Variants in PRTG observed in about 807,000 individuals in gnomAD.
The protein encoded by PRTG is immunoglobulin superfamily, DCC subclass, member 5.
A neutral mutation model predicts 122.5 loss-of-function variants in PRTG; 67 were observed. The observed-to-expected ratio is 0.55, with a 90% CI of 0.45 to 0.67. The LOEUF (loss-of-function observed/expected upper bound fraction) is 0.67, where lower values mean the gene tolerates loss of function less well. Among genes scored for constraint, PRTG ranks in the 30% least tolerant of loss-of-function variants. The pLI is 0.00. For missense variants in PRTG, 1,435 were observed against 1,415.4 expected (o/e 1.01, Z -0.22); for synonymous variants, 554 against 501.1 (o/e 1.11, Z -1.41).
At chr15:55,689,947 G>C (rs928501760) in intron 2 of PRTG, among the ~76,000 whole-genome samples, 2 of 151,362 alleles carry the variant, frequency 1.3e-5, no homozygotes, top group Non-Finnish European at 2.9e-5. Context: ...AAAAAGAGTA[G>C]TTAGGCATCA....
chr15:55,633,071 A>ATGAAAATTTT (rs1490292144), intron 15 of PRTG, among the ~76,000 whole-genome samples: 1 of 152,212 alleles, frequency 6.6e-6, no homozygotes, highest in Non-Finnish European at 1.5e-5. Flanking sequence ...TTTAACCATG[A>ATGAAAATTTT]TGAAAATTTT....
chr15:55,628,928 C>T lies in PRTG; in HGVS notation c.2700G>A (p.Glu900=), dbSNP rs749201909. 1.2e-6 allele frequency: 2 copies of T among 1,613,964 alleles called. No individual in the cohort carries two copies. Among genetic ancestry groups the T allele is most frequent in the East Asian group, 2.2e-5 (1 of 44,872 alleles). The change falls in exon 16 of 20, where the codon GAG becomes GAA. Residue 900 remains glutamate (E), a synonymous_variant. Coordinates refer to ENST00000389286, the MANE Select transcript of PRTG (RefSeq NM_173814.6). ...AATTTGAAAAGGGTCCTTCTCCCAC[C>T]TCATTGGATGCAGATATCTTGACAA... ...VYIVKISASN[E]VGEGPFSNSV... is the part of the protein sequence containing the mutation.
chr15:55,667,646 GT>G (rs2059446372), intron 11 of PRTG, among the ~76,000 whole-genome samples: 1 of 152,170 alleles, frequency 6.6e-6, no homozygotes, highest in Non-Finnish European at 1.5e-5. Flanking sequence ...AAATACGATA[GT>G]TTTTAAATAT....
chr15:55,710,844 A>G (rs560154350), intron 2 of PRTG, among the ~76,000 whole-genome samples: 1 of 152,230 alleles, frequency 6.6e-6, no homozygotes, highest in African/African-American at 2.4e-5. Context: ...GAAATCTTGT[A>G]CCTGCCCCGA....
intron 9 of PRTG, among the ~76,000 whole-genome samples, chr15:55,674,782 G>A (rs8026269): frequency 0.03 from 4,586 of 152,214 alleles, 230 homozygotes; most frequent in African/African-American, 0.1. Context: ...TTTGCTAAGT[G>A]AGAACAGTAT....
chr15:55,732,175 C>T (rs2031255723), intron 2 of PRTG, among the ~76,000 whole-genome samples: 1 of 152,184 alleles, frequency 6.6e-6, no homozygotes, highest in African/African-American at 2.4e-5. Flanking sequence ...TGTTACACTG[C>T]ACATGACTAG....
intron 11 of PRTG, among the ~76,000 whole-genome samples, chr15:55,643,451 TGA>T (rs544158423): frequency 1.3e-4 from 20 of 152,236 alleles, no homozygotes; most frequent in Non-Finnish European, 2.8e-4. Context: ...GTTTGTTTTC[TGA>T]GAGAGGGTCT....
chr15:55,674,055 A>C (rs2059488562), intron 9 of PRTG, among the ~76,000 whole-genome samples: 1 of 152,254 alleles, frequency 6.6e-6, no homozygotes, highest in Non-Finnish European at 1.5e-5. Flanking sequence ...TTCTACAGTT[A>C]TAACCAAGCA....
chr15:55,619,007 A>C lies in PRTG; in HGVS notation c.*1005T>G, dbSNP rs1396104105. On this transcript the variant is annotated 3_prime_UTR_variant, in exon 20 of 20. Transcript: ENST00000389286. ...ACTGGGATTTAAAAAAAGAAAAAAAACCACCTTAACCCATTTTCTTTAAAA... is the reference window on the plus strand; with the variant it reads ...ACTGGGATTTAAAAAAAGAAAAAAACCCACCTTAACCCATTTTCTTTAAAA... The C allele has an allele frequency of 6.6e-6, 1 of 152,124 alleles. No individual in the cohort carries two copies. The highest frequency in any genetic ancestry group is 2.4e-5 in the African/African-American group (1 of 41,420). 9.4% of individuals were successfully genotyped at this position (152,124 alleles called of 1,614,324 possible). A position where few individuals can be genotyped will look rare whatever the true frequency, so the allele number is the denominator to read the frequency against.
At chr15:55,637,884 T>C (rs1262570077) in intron 14 of PRTG, among the ~76,000 whole-genome samples, 1 of 152,188 alleles carries the variant, frequency 6.6e-6, no homozygotes, top group Non-Finnish European at 1.5e-5. Context: ...ATGTTTAATA[T>C]AAGCTAAAAG....
chr15:55,657,765 C>T (rs2059388412), intron 11 of PRTG, among the ~76,000 whole-genome samples: 1 of 152,144 alleles, frequency 6.6e-6, no homozygotes, highest in African/African-American at 2.4e-5. Flanking sequence ...CAATAAAGAA[C>T]ATAATCCTAG....
chr15:55,722,522 TATCA>T (rs2030863600), intron 2 of PRTG, among the ~76,000 whole-genome samples: 1 of 152,166 alleles, frequency 6.6e-6, no homozygotes, highest in Non-Finnish European at 1.5e-5. Flanking sequence ...CAAAAGGGAA[TATCA>T]GCCAAGGGCC....
Position 55,618,365 on chromosome 15 carries a change from G to A in PRTG, c.*1647C>T, listed in dbSNP as rs1411466065. On this transcript the variant is annotated 3_prime_UTR_variant, in exon 20 of 20. Coordinates refer to ENST00000389286, the MANE Select transcript of PRTG (RefSeq NM_173814.6). ...CTCCTCTAGGAACAAAGCATTTCAAGTGTAAACCCATTATGATTCCTTTTA... is the reference window on the plus strand; with the variant it reads ...CTCCTCTAGGAACAAAGCATTTCAAATGTAAACCCATTATGATTCCTTTTA... 1 of 152,184 alleles carries A rather than the reference G, an allele frequency of 6.6e-6. No individual in the cohort carries two copies. The highest frequency in any genetic ancestry group is 2.4e-5 in the African/African-American group (1 of 41,432). The allele number at this position is 152,184 out of a possible 1,614,324, so 9.4% of individuals were successfully genotyped here. A position where few individuals can be genotyped will look rare whatever the true frequency, so the allele number is the denominator to read the frequency against.
chr15:55,626,501 T>A (rs763966275), intron 17 of PRTG, among the ~76,000 whole-genome samples: 6 of 151,590 alleles, frequency 4.0e-5, no homozygotes, highest in Non-Finnish European at 7.4e-5. Context: ...CTCAGCACTT[T>A]GGGAGGATGA....
rs539437486 is a variant in PRTG, at chr15:55,701,725, T to C, written c.398-17794A>G. ...GAATGAATAAACTGTGTTAAATTCATACAGTGAAGTACTACTCAGCAACAA... is the reference window on the plus strand; with the variant it reads ...GAATGAATAAACTGTGTTAAATTCACACAGTGAAGTACTACTCAGCAACAA... On this transcript the variant is annotated intron_variant, in intron 2 of 19. Transcript: ENST00000389286. Among the ~76,000 whole-genome samples, 22 of 152,332 alleles carry C rather than the reference T, an allele frequency of 1.4e-4. No individual in the cohort carries two copies. In the South Asian group the frequency reaches 4.6e-3, roughly 32 times the overall value.
chr15:55,659,571 G>A (rs1007869377), intron 11 of PRTG, among the ~76,000 whole-genome samples: 3 of 152,054 alleles, frequency 2.0e-5, no homozygotes, highest in Non-Finnish European at 2.9e-5. Flanking sequence ...TAAATTATGT[G>A]GTGATTTTAT....
In PRTG at chr15:55,612,737, T is replaced by TATATATATATATAC. The variant is rs1567067860; in HGVS notation, c.*7274_*7275insGTATATATATATAT. 23 of 54,318 alleles carry TATATATATATATAC rather than the reference T, an allele frequency of 4.2e-4. No individual in the cohort carries two copies. Among genetic ancestry groups the TATATATATATATAC allele is most frequent in the African/African-American group, 9.2e-4 (20 of 21,672 alleles). 3.4% of individuals were successfully genotyped at this position (54,318 alleles called of 1,614,324 possible). On this transcript the variant is annotated 3_prime_UTR_variant, in exon 20 of 20. Coordinates refer to ENST00000389286, the MANE Select transcript of PRTG (RefSeq NM_173814.6). ...ATATATATATATATATATATATATA[T>TATATATATATATAC]ATATATATATATGACTTAAATTGGA... is the stretch of plus-strand genomic sequence containing the variant.
At chr15:55,718,544 CT>C (rs1485816874) in intron 2 of PRTG, among the ~76,000 whole-genome samples, 17 of 151,890 alleles carry the variant, frequency 1.1e-4, no homozygotes, top group African/African-American at 2.4e-4. Flanking sequence ...GGCCCCACCC[CT>C]ATCTCCCTTC....
chr15:55,672,453 C>T lies in PRTG; in HGVS notation c.2033G>A (p.Ser678Asn). ...AGTACAAACTCACTCACCTAAGCCA[C>T]TGAGAGTATAGAGTAGGTCCTTGGT... ...LDTKDLLYTLSGLDPRRKYHV... is the reference protein window; with the variant it reads ...LDTKDLLYTLNGLDPRRKYHV... Residue 678 changes from serine to asparagine, a missense_variant, in exon 11 of 20, where the codon AGT (serine) becomes AAT (asparagine). Physicochemically the swap from Ser to Asn is conservative, Grantham distance 46. Transcript: ENST00000389286. 1 of 1,613,020 alleles carries T rather than the reference C, an allele frequency of 6.2e-7. No homozygotes were observed. The highest frequency in any genetic ancestry group is 2.2e-5 in the East Asian group (1 of 44,882).
Sources: gnomAD v4.1 joint callset for allele counts (sites outside exome capture counted in the v4.1 genomes callset) on GRCh38, gnomAD v4.1.1 for gene constraint, MANE v1.5 for transcripts, NCBI Gene and HGNC (gene_info 2026-07-23, HGNC 2026-07-21) for gene names.